EXT2: variants seen among roughly 807,000 people sequenced by gnomAD.
EXT2 encodes the protein exostosin glycosyltransferase 2.
In EXT2, 53 loss-of-function variants were observed where a neutral mutation model predicts 81.6. The ratio of observed to expected loss-of-function variants is 0.65; its 90% CI spans 0.52 to 0.82. EXT2 has a LOEUF of 0.82. Among genes scored for constraint, EXT2 ranks in the 40% least tolerant of loss-of-function variants. The pLI, the probability that EXT2 is intolerant of heterozygous loss-of-function variation, is 0.00. For synonymous variants in EXT2, 320 were observed against 340.0 expected (o/e 0.94, Z 0.65); for missense variants, 774 against 910.2 (o/e 0.85, Z 1.93).
intron 7 of EXT2, among the ~76,000 whole-genome samples, chr11:44,140,470 C>T (rs939561101): frequency 6.6e-6 from 1 of 152,160 alleles, no homozygotes; most frequent in Admixed American, 6.5e-5. Context: ...GCTGCTCCTG[C>T]CTCTATCCTA....
At chr11:44,194,782 C>G (rs1469929157) in intron 8 of EXT2, among the ~76,000 whole-genome samples, 13 of 152,112 alleles carry the variant, frequency 8.5e-5, no homozygotes, top group Admixed American at 8.5e-4. Context: ...TCATTTTATA[C>G]ACTTTTTTAA....
intron 9 of EXT2, among the ~76,000 whole-genome samples, chr11:44,200,809 G>A (rs983519497): frequency 9.9e-5 from 15 of 152,114 alleles, no homozygotes; most frequent in Non-Finnish European, 2.2e-4. Flanking sequence ...GGATGGACTT[G>A]GGGTCATCTT....
intron 7 of EXT2, among the ~76,000 whole-genome samples, chr11:44,153,907 G>T (rs563853803): frequency 6.6e-6 from 1 of 151,510 alleles, no homozygotes; most frequent in South Asian, 2.1e-4. Context: ...TGTTGGATTT[G>T]AATACTGGTT....
At position 44,124,875 on chromosome 11, in the gene EXT2, G is replaced by T; in HGVS notation, c.830G>T (p.Gly277Val). Residue 277 changes from glycine to valine, a missense_variant, in exon 5 of 14, where the codon GGA (glycine) becomes GTA (valine). By Grantham distance (109) the Gly-to-Val change is moderately radical. This residue lies in a region of EXT2 where 626 missense variants were observed against 670.5 expected (regional missense o/e 0.93). Transcript: ENST00000533608. ...EDLEALQVKH[G>V]ESVLVLDKCT... ...CTAGAAGCCCTCCAGGTCAAACATG[G>T]AGAGTCAGTGTTAGTACTCGATAAA... 1 of 1,614,092 alleles carries T rather than the reference G, an allele frequency of 6.2e-7. No individual in the cohort carries two copies. The highest frequency in any genetic ancestry group is 8.5e-7 in the Non-Finnish European group (1 of 1,180,014).
At chr11:44,171,924 A>G in intron 8 of EXT2, 182 bp downstream of exon 8, 2 of 820,028 alleles carry the variant, frequency 2.4e-6, no homozygotes. Context: ...AAAGTAAAAA[A>G]TACGGAAGCA....
intron 8 of EXT2, among the ~76,000 whole-genome samples, chr11:44,197,442 C>G (rs781157408): frequency 2.6e-5 from 4 of 152,126 alleles, no homozygotes; most frequent in Non-Finnish European, 4.4e-5. Flanking sequence ...TTCCAGCTTT[C>G]AAAAATATCG....
chr11:44,144,601 C>T (rs1590591509), intron 7 of EXT2, among the ~76,000 whole-genome samples: 1 of 152,200 alleles, frequency 6.6e-6, no homozygotes, highest in African/African-American at 2.4e-5. Context: ...GTTGGGAAAA[C>T]CGATCCACCC....
intron 4 of EXT2, among the ~76,000 whole-genome samples, chr11:44,119,300 C>CTTATTA (rs1421219184): frequency 2.6e-5 from 4 of 151,652 alleles, no homozygotes; most frequent in East Asian, 3.9e-4. Flanking sequence ...TATAATTGTA[C>CTTATTA]TAACGTCTGT....
At position 44,251,738 on chromosome 11, in the gene EXT2, C is replaced by A. The variant is rs560557916; in HGVS notation, c.*7451C>A. 1.3e-5 allele frequency among the ~76,000 whole-genome samples: 2 copies of A among 152,202 alleles called. No individual in the cohort carries two copies. The highest frequency in any genetic ancestry group is 1.9e-4 in the East Asian group (1 of 5,176). Reference sequence around the variant, plus strand: ...TTAAGTCTATTGTCTTAAAAAGATTCTTTTCCCTTAAAAAATAAAAAAACC... The same window carrying A: ...TTAAGTCTATTGTCTTAAAAAGATTATTTTCCCTTAAAAAATAAAAAAACC... On this transcript the variant is annotated 3_prime_UTR_variant, in exon 14 of 14. Transcript: ENST00000533608.
chr11:44,220,316 C>G lies in EXT2; in HGVS notation c.1663-12037C>G, dbSNP rs1955768059. On this transcript the variant is annotated intron_variant, in intron 10 of 13. Coordinates refer to ENST00000533608, the MANE Select transcript of EXT2 (RefSeq NM_207122.2). This position sits in a 1 kb window ranked among gnomAD's most constrained non-coding sequence, Gnocchi z 4.4. Reference sequence around the variant, plus strand: ...CTTTAAGTTGATGGGTGTGAGCTGTCTTTGAGCCTTGTGTATATATCTGAG... The same window carrying G: ...CTTTAAGTTGATGGGTGTGAGCTGTGTTTGAGCCTTGTGTATATATCTGAG... Among the ~76,000 whole-genome samples the G allele has an allele frequency of 6.6e-6, 1 of 152,152 alleles. No homozygotes were observed. The highest frequency in any genetic ancestry group is 1.5e-5 in the Non-Finnish European group (1 of 68,022).
intron 8 of EXT2, among the ~76,000 whole-genome samples, chr11:44,193,117 T>C (rs1320931038): frequency 6.6e-6 from 1 of 152,150 alleles, no homozygotes; most frequent in Non-Finnish European, 1.5e-5. Flanking sequence ...GAGAAAATCA[T>C]GGAAATAAAA....
chr11:44,223,884 C>T (rs973713495), intron 10 of EXT2, among the ~76,000 whole-genome samples: 2 of 152,116 alleles, frequency 1.3e-5, no homozygotes, highest in Non-Finnish European at 2.9e-5. Context: ...ATCTCCTGAC[C>T]TTGTGATCCA....
intron 7 of EXT2, among the ~76,000 whole-genome samples, chr11:44,143,935 T>C (rs1954680459): frequency 6.6e-6 from 1 of 152,184 alleles, no homozygotes; most frequent in African/African-American, 2.4e-5. Flanking sequence ...ATGGCTGTCA[T>C]GATAGCAGCA....
At chr11:44,155,125 C>A (rs1486784671) in intron 7 of EXT2, among the ~76,000 whole-genome samples, 3 of 151,888 alleles carry the variant, frequency 2.0e-5, no homozygotes, top group Non-Finnish European at 4.4e-5. Context: ...ATCCCATTTG[C>A]CCATTTGATT....
chr11:44,217,213 T>C (rs1412726426), intron 10 of EXT2, among the ~76,000 whole-genome samples: 1 of 152,034 alleles, frequency 6.6e-6, no homozygotes, highest in Non-Finnish European at 1.5e-5. Flanking sequence ...GGGTGTTAAA[T>C]GTACATTGAA....
intron 8 of EXT2, among the ~76,000 whole-genome samples, chr11:44,195,563 G>A (rs1955446469): frequency 6.6e-6 from 1 of 152,200 alleles, no homozygotes; most frequent in South Asian, 2.1e-4. Context: ...ATCCCATTCA[G>A]CTTCTTTGAG....
intron 5 of EXT2, among the ~76,000 whole-genome samples, chr11:44,126,072 G>A (rs1031173015): frequency 6.6e-6 from 1 of 152,102 alleles, no homozygotes; most frequent in African/African-American, 2.4e-5. Context: ...CTTCTTAAGA[G>A]GCAAAATCTG....
intron 10 of EXT2, among the ~76,000 whole-genome samples, chr11:44,214,591 G>A (rs1242787886): frequency 1.3e-5 from 2 of 152,120 alleles, no homozygotes; most frequent in Non-Finnish European, 2.9e-5. Context: ...ATTACAAAAT[G>A]TATTGGTATA....
chr11:44,208,655 A>G (rs1282183741), intron 10 of EXT2, among the ~76,000 whole-genome samples: 1 of 152,188 alleles, frequency 6.6e-6, no homozygotes, highest in African/African-American at 2.4e-5. Context: ...TGTATATACA[A>G]CTTACTATGT....
Sources: gnomAD v4.1 joint callset for allele counts (sites outside exome capture counted in the v4.1 genomes callset) on GRCh38, gnomAD v4.1.1 for gene constraint, gnomAD v4.1.1 regional missense constraint, Gnocchi (gnomAD v3.1) non-coding constraint, MANE v1.5 for transcripts, NCBI Gene and HGNC (gene_info 2026-07-23, HGNC 2026-07-21) for gene names.